The following NEK10 variants were observed in gnomAD, a reference collection of about 807,000 sequenced individuals.
The protein encoded by NEK10 is serine/threonine-protein kinase Nek10.
A neutral mutation model predicts 159.8 loss-of-function variants in NEK10; 122 were observed. The ratio of observed to expected loss-of-function variants is 0.76; its 90% CI spans 0.66 to 0.89. The LOEUF (loss-of-function observed/expected upper bound fraction) is 0.89. Among genes scored for constraint, NEK10 ranks in the 40% least tolerant of loss-of-function variants. The pLI, the probability that NEK10 is intolerant of heterozygous loss-of-function variation, is 0.00. For synonymous variants in NEK10, 466 were observed against 457.1 expected (o/e 1.02, Z -0.25); for missense variants, 1,342 against 1,323.1 (o/e 1.01, Z -0.22).
At chr3:27,169,898 T>C (rs1946800811) in intron 29 of NEK10, among the ~76,000 whole-genome samples, 1 of 152,102 alleles carries the variant, frequency 6.6e-6, no homozygotes, top group Non-Finnish European at 1.5e-5. Flanking sequence ...TCTCTCTCTC[T>C]CAGGATTTTG....
intron 25 of NEK10, among the ~76,000 whole-genome samples, chr3:27,199,639 T>C (rs1949873055): frequency 6.6e-6 from 1 of 152,100 alleles, no homozygotes; most frequent in South Asian, 2.1e-4. Flanking sequence ...AATCATTCTA[T>C]CATAAAAACA....
intron 6 of NEK10, among the ~76,000 whole-genome samples, chr3:27,316,133 A>T (rs532577411): frequency 1.7e-4 from 26 of 152,320 alleles, no homozygotes; most frequent in South Asian, 4.1e-4. Context: ...GAACGTTTTC[A>T]TGCAGACCGT....
At chr3:27,237,545 G>A (rs185526143) in intron 23 of NEK10, among the ~76,000 whole-genome samples, 1 of 152,084 alleles carries the variant, frequency 6.6e-6, no homozygotes, top group African/African-American at 2.4e-5. Flanking sequence ...TCCGTTCGGG[G>A]TCCCTGACTT....
intron 22 of NEK10, among the ~76,000 whole-genome samples, chr3:27,279,994 C>T (rs2042038380): frequency 6.6e-6 from 1 of 151,480 alleles, no homozygotes; most frequent in Non-Finnish European, 1.5e-5. Context: ...ATGGTGAAAC[C>T]CCGTCTCTCC....
chr3:27,331,591 G>A (rs1451689564), intron 5 of NEK10, among the ~76,000 whole-genome samples: 1 of 152,180 alleles, frequency 6.6e-6, no homozygotes, highest in Non-Finnish European at 1.5e-5. Flanking sequence ...AGTCTGGATA[G>A]TCAATGCTGA....
At chr3:27,115,087 G>A (rs960029435) in intron 35 of NEK10, among the ~76,000 whole-genome samples, 1 of 152,140 alleles carries the variant, frequency 6.6e-6, no homozygotes, top group African/African-American at 2.4e-5. Context: ...GAAAAAAACA[G>A]GGCATTAACA....
At chr3:27,331,262 A>AAAAAAAAAAAACAAAAAAAAAC in intron 5 of NEK10, among the ~76,000 whole-genome samples, 1 of 110,082 alleles carries the variant, frequency 9.1e-6, no homozygotes, top group Non-Finnish European at 2.0e-5. Flanking sequence ...AAAAAAAAAA[A>AAAAAAAAAAAACAAAAAAAAAC]ACACACAAAC....
chr3:27,267,873 G>A (rs1312480074), intron 22 of NEK10, among the ~76,000 whole-genome samples: 1 of 152,208 alleles, frequency 6.6e-6, no homozygotes, highest in Non-Finnish European at 1.5e-5. Context: ...GAGACAGGCT[G>A]AAAGTTAGGC....
intron 30 of NEK10, 57 bp from the exon 31 acceptor site, chr3:27,141,639 A>C (rs935138083): frequency 7.4e-7 from 1 of 1,346,832 alleles, no homozygotes; most frequent in African/African-American, 1.4e-5. Context: ...TACATTAGTG[A>C]AAAAATGAAG....
intron 22 of NEK10, among the ~76,000 whole-genome samples, chr3:27,258,271 C>A (rs11719299): frequency 0.23 from 35,231 of 151,704 alleles, 4,459 homozygotes; most frequent in Middle Eastern, 0.37. Flanking sequence ...GCACAACGTG[C>A]AAGTTTGTTA....
intron 32 of NEK10, among the ~76,000 whole-genome samples, chr3:27,120,348 G>A (rs528551331): frequency 2.0e-5 from 3 of 148,576 alleles, no homozygotes; most frequent in Non-Finnish European, 4.4e-5. Flanking sequence ...TTCTGCAACA[G>A]TGTCTCACTC....
chr3:27,281,398 G>C (rs970161011), intron 22 of NEK10, among the ~76,000 whole-genome samples: 3 of 151,796 alleles, frequency 2.0e-5, no homozygotes, highest in Non-Finnish European at 4.4e-5. Flanking sequence ...TGGATAAAGG[G>C]AACATTCTGA....
At position 27,201,524 on chromosome 3, in the gene NEK10, T is replaced by C. The variant is rs755010994; in HGVS notation, c.2277A>G (p.Thr759=). 6.2e-7 allele frequency: 1 copy of C among 1,613,996 alleles called. No homozygotes were observed. Among genetic ancestry groups the C allele is most frequent in the African/African-American group, 1.3e-5 (1 of 75,068 alleles). Residue 759 remains threonine (T), a synonymous_variant, in exon 25 of 36, where the codon ACA becomes ACG. Transcript: ENST00000691995. The part of the protein sequence containing the change: ...VPEGIYSEKV[T]DTISRCLTPD... ...AGACTAATTACCTGCTGATGGTGTC[T>C]GTTACTTTTTCAGAGTAGATACCTT... is the stretch of plus-strand genomic sequence containing the variant.
intron 3 of NEK10, among the ~76,000 whole-genome samples, chr3:27,350,648 A>C (rs2047902762): frequency 6.6e-6 from 1 of 152,162 alleles, no homozygotes; most frequent in Non-Finnish European, 1.5e-5. Flanking sequence ...GATTTTACAA[A>C]AATATATGCC....
At chr3:27,367,593 G>C (rs2049188660) in intron 1 of NEK10, 2 of 152,220 alleles carry the variant, frequency 1.3e-5, no homozygotes, top group African/African-American at 4.8e-5. Context: ...ATGGCAAACA[G>C]TAACTTCTCA....
intron 32 of NEK10, among the ~76,000 whole-genome samples, chr3:27,130,502 G>A (rs545357332): frequency 5.9e-5 from 9 of 152,210 alleles, no homozygotes; most frequent in South Asian, 2.1e-4. Flanking sequence ...AGTAATAAAC[G>A]AGAAAATAAA....
At chr3:27,293,220 C>T (rs140833932) in intron 16 of NEK10, among the ~76,000 whole-genome samples, 18 of 152,240 alleles carry the variant, frequency 1.2e-4, no homozygotes, top group African/African-American at 3.9e-4. Flanking sequence ...TGAAATTACC[C>T]GATTGACTTT....
chr3:27,258,773 A>G (rs1034344602), intron 22 of NEK10, among the ~76,000 whole-genome samples: 1 of 152,234 alleles, frequency 6.6e-6, no homozygotes, highest in Admixed American at 6.5e-5. Context: ...TTCTAGTTCT[A>G]GATCCCTGAG....
At chr3:27,187,345 G>A (rs920943474) in intron 26 of NEK10, among the ~76,000 whole-genome samples, 6 of 152,142 alleles carry the variant, frequency 3.9e-5, no homozygotes, top group Admixed American at 2.0e-4. Flanking sequence ...AAAAGAGAAC[G>A]ACATAATTGA....
Sources: gnomAD v4.1 joint callset for allele counts (sites outside exome capture counted in the v4.1 genomes callset) on GRCh38, gnomAD v4.1.1 for gene constraint, MANE v1.5 for transcripts, NCBI Gene and HGNC (gene_info 2026-07-23, HGNC 2026-07-21) for gene names.